The following NRG3 variants were observed in gnomAD, a reference collection of about 807,000 sequenced individuals.
NRG3 encodes neuregulin 3, also known as pro-neuregulin-3, membrane-bound isoform.
NRG3 carries 31 observed loss-of-function variants against 66.9 expected under a neutral mutation model. That is an observed-to-expected ratio of 0.46 (90% confidence interval 0.35 to 0.63). The LOEUF is 0.63. Among genes scored for constraint, NRG3 ranks in the 20% least tolerant of loss-of-function variants. The probability of loss-of-function intolerance (pLI) is 0.00; values close to 1 mark genes in which losing one functional copy is unlikely to be tolerated. For missense variants in NRG3, 910 were observed against 878.9 expected, an observed-to-expected ratio of 1.04 and a Z score of -0.45; for synonymous variants, 393 against 359.4, an observed-to-expected ratio of 1.09 and a Z score of -1.06.
chr10:82,711,218 A>G (rs1170320624), intron 2 of NRG3, among the ~76,000 whole-genome samples: 2 of 152,138 alleles, frequency 1.3e-5, no homozygotes, highest in East Asian at 3.9e-4. Flanking sequence ...AGCTAGGACT[A>G]CAAGTGTGTG....
chr10:82,963,735 T>C (rs1463720172), intron 6 of NRG3, among the ~76,000 whole-genome samples: 1 of 152,208 alleles, frequency 6.6e-6, no homozygotes, highest in Non-Finnish European at 1.5e-5. Context: ...GCTTGGCTTA[T>C]CCATGGTTCT....
At chr10:82,236,754 T>C (rs7914681) in intron 1 of NRG3, among the ~76,000 whole-genome samples, 62,278 of 144,084 alleles carry the variant, frequency 0.43, 15,709 homozygotes, top group African/African-American at 0.7. Context: ...CTCGCTCTGT[T>C]GCCCAGGCTG....
At chr10:82,601,198 T>C (rs2047606809) in intron 2 of NRG3, among the ~76,000 whole-genome samples, 1 of 152,190 alleles carries the variant, frequency 6.6e-6, no homozygotes, top group Non-Finnish European at 1.5e-5. Flanking sequence ...CCACCATTGA[T>C]GGGCACCTAG....
chr10:82,890,588 T>G (rs1018154385), intron 4 of NRG3, among the ~76,000 whole-genome samples: 1 of 152,190 alleles, frequency 6.6e-6, no homozygotes, highest in Admixed American at 6.5e-5. Flanking sequence ...AATTCTACCT[T>G]TCTACATTTT....
chr10:82,331,019 T>C (rs936797121), intron 1 of NRG3, among the ~76,000 whole-genome samples: 11 of 152,180 alleles, frequency 7.2e-5, no homozygotes, highest in African/African-American at 2.7e-4. Context: ...ATTGGACTTT[T>C]AGAATAGAAT....
chr10:81,986,391 A>C (rs2133522098), intron 1 of NRG3, among the ~76,000 whole-genome samples: 1 of 152,302 alleles, frequency 6.6e-6, no homozygotes, highest in Non-Finnish European at 1.5e-5. Flanking sequence ...TAGTGAAAAC[A>C]TTGAGAAAAA....
At chr10:82,354,232 G>A (rs905126276) in intron 1 of NRG3, among the ~76,000 whole-genome samples, 11 of 151,240 alleles carry the variant, frequency 7.3e-5, no homozygotes, top group Middle Eastern at 3.4e-3. Context: ...TATAGATGGG[G>A]GTCTCCCTAT....
At position 82,106,438 on chromosome 10, in the gene NRG3, A is replaced by T. The variant is rs17099410; in HGVS notation, c.823+230275A>T. Among the ~76,000 whole-genome samples, 376 of 152,160 alleles carry T rather than the reference A, an allele frequency of 2.5e-3. 8 individuals carry two copies. In the East Asian group the frequency reaches 0.046, roughly 19 times the overall value. On this transcript the variant is annotated intron_variant, in intron 1 of 8. Transcript: ENST00000372141. ...ACCCAGGATCCCTTTCAGAATCTCA[A>T]TCACCTAAGGTTAGGCTAGTTGTTA...
intron 2 of NRG3, among the ~76,000 whole-genome samples, chr10:82,736,772 AG>A (rs1365018385): frequency 6.6e-6 from 1 of 152,254 alleles, no homozygotes; most frequent in African/African-American, 2.4e-5. Flanking sequence ...AAAAACAAAA[AG>A]ACACTTATCC....
intron 2 of NRG3, among the ~76,000 whole-genome samples, chr10:82,655,549 C>A (rs2820111): frequency 0.59 from 89,653 of 151,962 alleles, 26,929 homozygotes; most frequent in Non-Finnish European, 0.65. Flanking sequence ...AGATACCCTC[C>A]TCTACTCTGG....
At chr10:82,055,593 AT>A (rs1206837673) in intron 1 of NRG3, among the ~76,000 whole-genome samples, 3 of 152,076 alleles carry the variant, frequency 2.0e-5, no homozygotes, top group Non-Finnish European at 2.9e-5. Flanking sequence ...TAATTATTTA[AT>A]TTTTTTATCT....
At chr10:82,352,657 G>A (rs552470645) in intron 1 of NRG3, among the ~76,000 whole-genome samples, 1 of 152,190 alleles carries the variant, frequency 6.6e-6, no homozygotes, top group East Asian at 1.9e-4. Context: ...CTGTGGGATT[G>A]TGGGGGTGCA....
chr10:82,953,700 G>A lies in NRG3; in HGVS notation c.1157+2129G>A, dbSNP rs561033804. Among the ~76,000 whole-genome samples the A allele has an allele frequency of 9.9e-5, 15 of 151,906 alleles. No homozygotes were observed. In the East Asian group the frequency reaches 1.9e-3, roughly 20 times the overall value. ...ATTAAATGCAATCATGGCCAGACGC[G>A]GTGACTCATGCCTGTAATCCCAGCA... On this transcript the variant is annotated intron_variant, in intron 5 of 8. Coordinates refer to ENST00000372141, the MANE Select transcript of NRG3 (RefSeq NM_001010848.4).
intron 4 of NRG3, among the ~76,000 whole-genome samples, chr10:82,904,836 C>A (rs1844576779): frequency 6.6e-6 from 1 of 151,978 alleles, no homozygotes; most frequent in South Asian, 2.1e-4. Flanking sequence ...CCTGAGGAGC[C>A]CAAAGTATTT....
rs113656422 is a variant in NRG3 at position 82,540,233 on chromosome 10, TA to T, written c.953+181378del. Among the ~76,000 whole-genome samples the T allele has an allele frequency of 1.2e-3, 170 of 145,690 alleles. 1 individual carries two copies. Among genetic ancestry groups the T allele is most frequent in the Middle Eastern group, 0.011 (3 of 284 alleles). On this transcript the variant is annotated intron_variant, in intron 2 of 8. Transcript: ENST00000372141. ...TTATCCCAGTTATCCATGGGATTCTTAAAAAAAAAAAAATTGTCCCAATATG... is the reference window on the plus strand; with the variant it reads ...TTATCCCAGTTATCCATGGGATTCTTAAAAAAAAAAAATTGTCCCAATATG...
At chr10:82,096,695 T>G in intron 1 of NRG3, among the ~76,000 whole-genome samples, 1 of 152,100 alleles carries the variant, frequency 6.6e-6, no homozygotes, top group East Asian at 1.9e-4. Flanking sequence ...GAAAATTGAC[T>G]TATTGATATG....
intron 1 of NRG3, among the ~76,000 whole-genome samples, chr10:82,100,000 T>TATATAA (rs980884026): frequency 2.0e-5 from 3 of 150,226 alleles, no homozygotes; most frequent in African/African-American, 4.9e-5. Context: ...TATATATATA[T>TATATAA]AATTTAAAAA....
chr10:82,154,293 T>A (rs1443750377), intron 1 of NRG3, among the ~76,000 whole-genome samples: 2 of 152,074 alleles, frequency 1.3e-5, no homozygotes, highest in Non-Finnish European at 2.9e-5. Flanking sequence ...TGCATATGGA[T>A]ATCCAGTTTT....
chr10:82,176,182 A>G (rs1338306639), intron 1 of NRG3, among the ~76,000 whole-genome samples: 2 of 152,168 alleles, frequency 1.3e-5, no homozygotes, highest in East Asian at 1.9e-4. Context: ...TCCCAGATCT[A>G]TTGGCTTTAG....
Sources: allele counts gnomAD v4.1 joint callset (sites outside exome capture counted in the v4.1 genomes callset), GRCh38; gene constraint gnomAD v4.1.1; transcripts MANE v1.5; gene names NCBI Gene and HGNC (gene_info 2026-07-23, HGNC 2026-07-21).